The following HEPACAM variants were observed in gnomAD, a reference collection of about 807,000 sequenced individuals.
The protein encoded by HEPACAM is hepatocyte cell adhesion molecule.
In HEPACAM, 18 loss-of-function variants were observed where a neutral mutation model predicts 38.3. The observed-to-expected ratio is 0.47, with a 90% CI of 0.33 to 0.70. The LOEUF (loss-of-function observed/expected upper bound fraction) is 0.70, where lower values mean the gene tolerates loss of function less well. HEPACAM is among the 30% of genes least tolerant of loss of function. The pLI is 0.03. For missense variants in HEPACAM, 466 were observed against 563.0 expected (o/e 0.83, Z 1.74); for synonymous variants, 216 against 243.1 (o/e 0.89, Z 1.04).
At chr11:124,923,233 G>C in intron 4 of HEPACAM, 107 bp downstream of exon 4, 1 of 822,292 alleles carries the variant, frequency 1.2e-6, no homozygotes, top group Non-Finnish European at 2.1e-6. Flanking sequence ...CTCGGAAAGA[G>C]ATGCAAAACC....
rs1947110137 is a variant in HEPACAM at position 124,920,338 on chromosome 11, C to G, written c.*800G>C. On this transcript the variant is annotated 3_prime_UTR_variant, in exon 7 of 7. Transcript: ENST00000298251. ...AGGGGAGTAAGTGAAATTCACTTCT[C>G]TATAAGAATAAGCCCATCCATCTCT... The G allele has an allele frequency of 1.4e-6, 2 of 1,480,888 alleles. No individual in the cohort carries two copies. The highest frequency in any genetic ancestry group is 4.2e-5 in the Admixed American group (2 of 47,078). 91.7% of individuals were successfully genotyped at this position (1,480,888 alleles called of 1,614,324 possible). A position where few individuals can be genotyped will look rare whatever the true frequency, so the allele number is the denominator to read the frequency against.
chr11:124,919,706 C>T lies in HEPACAM; in HGVS notation c.*1432G>A. 1 of 1,600,556 alleles carries T rather than the reference C, an allele frequency of 6.2e-7. No individual in the cohort carries two copies. The highest frequency in any genetic ancestry group is 8.5e-7 in the Non-Finnish European group (1 of 1,173,178). Reference sequence around the variant, plus strand: ...GGCAGAGGGGGCAAACTAGAAATGTCAGTGCCTTTGGGGCTGAGACAAAAC... The same window carrying T: ...GGCAGAGGGGGCAAACTAGAAATGTTAGTGCCTTTGGGGCTGAGACAAAAC... On this transcript the variant is annotated 3_prime_UTR_variant, in exon 7 of 7. Transcript: ENST00000298251.
At chr11:124,923,514 G>T in intron 3 of HEPACAM, 81 bp from the exon 4 acceptor site, 1 of 1,185,978 alleles carries the variant, frequency 8.4e-7, no homozygotes, top group Non-Finnish European at 1.3e-6. Flanking sequence ...GCCATGGATG[G>T]AAGAGAGGGG....
chr11:124,921,311 G>T lies in HEPACAM; in HGVS notation c.1078C>A (p.Arg360Ser). 1.5e-6 allele frequency: 2 copies of T among 1,298,084 alleles called. No individual in the cohort carries two copies. The highest frequency in any genetic ancestry group is 1.9e-6 in the Non-Finnish European group (2 of 1,029,956). The allele number at this position is 1,298,084 out of a possible 1,614,324, so 80.4% of individuals were successfully genotyped here. A position where few individuals can be genotyped will look rare whatever the true frequency, so the allele number is the denominator to read the frequency against. ...SPGLPIRSAR[R>S]YPRSPARSPA... ...GAGCGCGCTGGGGAGCGCGGGTAGC[G>T]GCGGGCAGAGCGGATGGGCAGCCCC... Residue 360 changes from arginine (R) to serine (S), a missense_variant, in exon 7 of 7, where the codon CGC becomes AGC. By Grantham distance (110) the Arg-to-Ser change is moderately radical (BLOSUM62 -1). Coordinates refer to ENST00000298251, the MANE Select transcript of HEPACAM (RefSeq NM_152722.5). The surrounding 1 kb of genome is among the most constrained non-coding windows in gnomAD (Gnocchi z 4.6).
chr11:124,922,263 C>T (rs972075845), intron 6 of HEPACAM, 125 bp downstream of exon 6: 16 of 1,056,816 alleles, frequency 1.5e-5, no homozygotes, highest in Admixed American at 1.2e-4. Flanking sequence ...GAAACCAGTC[C>T]CTGGTGCCAA....
chr11:124,927,017 C>T (rs148206665), intron 1 of HEPACAM, among the ~76,000 whole-genome samples: 259 of 152,124 alleles, frequency 1.7e-3, no homozygotes, highest in African/African-American at 5.1e-3. Flanking sequence ...TACAGGCGCC[C>T]GCCACCACGC....
Position 124,920,780 on chromosome 11 carries a change from G to C in HEPACAM, c.*358C>G. 1 of 1,070,458 alleles carries C rather than the reference G, an allele frequency of 9.3e-7. No individual in the cohort carries two copies. Among genetic ancestry groups the C allele is most frequent in the African/African-American group, 1.7e-5 (1 of 58,862 alleles). The allele number at this position is 1,070,458 out of a possible 1,614,324, so 66.3% of individuals were successfully genotyped here. On this transcript the variant is annotated 3_prime_UTR_variant, in exon 7 of 7. Transcript: ENST00000298251. ...GGGAAACAACACAGCTCCCTAGGAAGAGCACAGGATAGTCACGGGGGTTAG... is the reference window on the plus strand; with the variant it reads ...GGGAAACAACACAGCTCCCTAGGAACAGCACAGGATAGTCACGGGGGTTAG...
chr11:124,932,554 G>A (rs753554233), intron 1 of HEPACAM, among the ~76,000 whole-genome samples: 5 of 152,132 alleles, frequency 3.3e-5, no homozygotes, highest in Admixed American at 6.5e-5. Flanking sequence ...GCTCCATGAC[G>A]CCTCAGGGCT....
In HEPACAM at chr11:124,922,450, G is replaced by T; in HGVS notation, c.886C>A (p.Leu296Ile). The T allele has an allele frequency of 6.2e-7, 1 of 1,614,166 alleles. No individual in the cohort carries two copies. Among genetic ancestry groups the T allele is most frequent in the Non-Finnish European group, 8.5e-7 (1 of 1,180,010 alleles). Residue 296 changes from leucine (L) to isoleucine (I), a missense_variant, in exon 6 of 7, where the codon CTC becomes ATC. By Grantham distance (5) the Leu-to-Ile change is conservative. Coordinates refer to ENST00000298251, the MANE Select transcript of HEPACAM (RefSeq NM_152722.5). ...DDRLKPEADT[L>I]PRSGEQERKN... is the part of the protein sequence containing the mutation. ...CGTTCCTGCTCACCACTTCGAGGGAGGGTGTCTGCTGCACAGGGGAGAGAA... is the reference window on the plus strand; with the variant it reads ...CGTTCCTGCTCACCACTTCGAGGGATGGTGTCTGCTGCACAGGGGAGAGAA...
In HEPACAM at chr11:124,919,754, G is replaced by A; in HGVS notation, c.*1384C>T. On this transcript the variant is annotated 3_prime_UTR_variant, in exon 7 of 7. Transcript: ENST00000298251. ...AACTTGACCTGGTGTGGAGGTGATG[G>A]GTAACTGGGGCCTTGGAATTGCTCC... 1.9e-6 allele frequency: 3 copies of A among 1,613,616 alleles called. No homozygotes were observed. Among genetic ancestry groups the A allele is most frequent in the Non-Finnish European group, 2.5e-6 (3 of 1,179,856 alleles).
chr11:124,921,509 G>T lies in HEPACAM; in HGVS notation c.949-69C>A. 1 of 1,039,944 alleles carries T rather than the reference G, an allele frequency of 9.6e-7. No individual in the cohort carries two copies. The allele number at this position is 1,039,944 out of a possible 1,614,324, so 64.4% of individuals were successfully genotyped here. A position where few individuals can be genotyped will look rare whatever the true frequency, so the allele number is the denominator to read the frequency against. ...GCCTGGGAGCGCGCCTGGTGTTAGA[G>T]CTTGCTGGAATTCCGAGGGGAGGGA... is the stretch of plus-strand genomic sequence containing the variant. On this transcript the variant is annotated intron_variant, in intron 6 of 6. Transcript: ENST00000298251. This position sits in a 1 kb window ranked among gnomAD's most constrained non-coding sequence, Gnocchi z 4.6.
Position 124,920,617 on chromosome 11 carries a change from C to T in HEPACAM, c.*521G>A, listed in dbSNP as rs1293113486. 1.7e-5 allele frequency: 18 copies of T among 1,059,176 alleles called. No homozygotes were observed. The highest frequency in any genetic ancestry group is 2.0e-5 in the Non-Finnish European group (17 of 870,276). 65.6% of individuals were successfully genotyped at this position (1,059,176 alleles called of 1,614,324 possible). ...TGCACACCCAGTAACCGGCATCTGG[C>T]TTCTCCTTAGCTTAGTGCAGCTGTG... On this transcript the variant is annotated 3_prime_UTR_variant, in exon 7 of 7. Coordinates refer to ENST00000298251, the MANE Select transcript of HEPACAM (RefSeq NM_152722.5).
chr11:124,922,936 C>T, intron 4 of HEPACAM, 118 bp from the exon 5 acceptor site: 1 of 1,018,094 alleles, frequency 9.8e-7, no homozygotes, highest in Non-Finnish European at 1.6e-6. Context: ...GGAAGATGGG[C>T]TGGGTACAGT....
rs530221443 is a variant in HEPACAM, at chr11:124,933,795, C to T, written c.85+2127G>A. 3.3e-5 allele frequency among the ~76,000 whole-genome samples: 5 copies of T among 152,290 alleles called. No individual in the cohort carries two copies. In the South Asian group the frequency reaches 1.0e-3, roughly 32 times the overall value. On this transcript the variant is annotated intron_variant, in intron 1 of 6. Coordinates refer to ENST00000298251, the MANE Select transcript of HEPACAM (RefSeq NM_152722.5). The stretch of plus-strand genomic sequence containing the variant: ...TTGTCACATTGGATCTCTTTGACAA[C>T]TTCAATGGTATTGATCTACTCCTGA...
chr11:124,922,622 G>A lies in HEPACAM; in HGVS notation c.877+123C>T, dbSNP rs757877970. The stretch of plus-strand genomic sequence containing the variant: ...AACCTTTCCCTCCTCTGCAGTCTTC[G>A]TGCAGTTGGTGGGGGAAGGGTCCCT... On this transcript the variant is annotated intron_variant, in intron 5 of 6. Coordinates refer to ENST00000298251, the MANE Select transcript of HEPACAM (RefSeq NM_152722.5). 8 of 1,612,144 alleles carry A rather than the reference G, an allele frequency of 5.0e-6. No homozygotes were observed. The Admixed American group carries it at 1.2e-4, about 24-fold the overall frequency.
At chr11:124,934,336 C>CT (rs1947317151) in intron 1 of HEPACAM, among the ~76,000 whole-genome samples, 1 of 151,942 alleles carries the variant, frequency 6.6e-6, no homozygotes, top group South Asian at 2.1e-4. Context: ...ATTGCAATAG[C>CT]TTTTTGACCT....
intron 1 of HEPACAM, among the ~76,000 whole-genome samples, chr11:124,926,485 G>A (rs907594472): frequency 1.4e-4 from 21 of 152,174 alleles, no homozygotes; most frequent in African/African-American, 4.6e-4. Context: ...CCTATCCAGA[G>A]GGCATTTCAG....
chr11:124,923,842 T>G lies in HEPACAM; in HGVS notation c.596A>C (p.Gln199Pro), dbSNP rs1166397583. The change falls in exon 3 of 7, where the codon CAA becomes CCA. Residue 199 changes from glutamine to proline, a missense_variant. Gln to Pro is a moderately conservative substitution (Grantham distance 76). Coordinates refer to ENST00000298251, the MANE Select transcript of HEPACAM (RefSeq NM_152722.5). Reference sequence around the variant, plus strand: ...CACGCGGGTGATGGTGAGCACCTTTTGGTCGGGGGACAGGAGCATTCTCGA... The same window carrying G: ...CACGCGGGTGATGGTGAGCACCTTTGGGTCGGGGGACAGGAGCATTCTCGA... ...NDSRMLLSPD[Q>P]KVLTITRVLM... The G allele has an allele frequency of 1.2e-6, 2 of 1,614,190 alleles. No homozygotes were observed. Among genetic ancestry groups the G allele is most frequent in the Non-Finnish European group, 1.7e-6 (2 of 1,180,030 alleles).
rs1947124492 is a variant in HEPACAM at position 124,920,981 on chromosome 11, T to C, written c.*157A>G. On this transcript the variant is annotated 3_prime_UTR_variant, in exon 7 of 7. Transcript: ENST00000298251. The stretch of plus-strand genomic sequence containing the variant: ...TGCCGCCTCCGCGCACCCGCCTCCG[T>C]CTGCGCATGCTCATACACGTTCACA... The C allele has an allele frequency of 2.2e-6, 3 of 1,363,438 alleles. No individual in the cohort carries two copies. Among genetic ancestry groups the C allele is most frequent in the South Asian group, 1.7e-5 (1 of 58,246 alleles). The allele number at this position is 1,363,438 out of a possible 1,614,324, so 84.5% of individuals were successfully genotyped here. A position where few individuals can be genotyped will look rare whatever the true frequency, so the allele number is the denominator to read the frequency against.
Sources: gnomAD v4.1 joint callset for allele counts (sites outside exome capture counted in the v4.1 genomes callset) on GRCh38, gnomAD v4.1.1 for gene constraint, Gnocchi (gnomAD v3.1) non-coding constraint, MANE v1.5 for transcripts, NCBI Gene and HGNC (gene_info 2026-07-23, HGNC 2026-07-21) for gene names.